The following ACSM1 variants were observed in gnomAD, a reference collection of about 807,000 sequenced individuals.
ACSM1 encodes acyl-CoA synthetase medium chain family member 1.
In ACSM1, 79 loss-of-function variants were observed where a neutral mutation model predicts 75.8. The observed-to-expected ratio is 1.04, with a 90% CI of 0.87 to 1.26. The LOEUF (loss-of-function observed/expected upper bound fraction) is 1.26, where lower values mean the gene tolerates loss of function less well. ACSM1 is among the 50% of genes most tolerant of loss of function. The pLI, the probability that ACSM1 is intolerant of heterozygous loss-of-function variation, is 0.00. For synonymous variants in ACSM1, 279 were observed against 265.8 expected (o/e 1.05, Z -0.48); for missense variants, 676 against 720.1 (o/e 0.94, Z 0.70).
intron 7 of ACSM1, 73 bp downstream of exon 7, chr16:20,661,721 A>G: frequency 8.7e-7 from 1 of 1,154,128 alleles, no homozygotes; most frequent in South Asian, 1.3e-5. Context: ...AACCAGAAGA[A>G]AAACAGACCA....
chr16:20,674,009 A>T, intron 4 of ACSM1: 1 of 409,082 alleles, frequency 2.4e-6, no homozygotes, highest in Non-Finnish European at 4.9e-6. Context: ...CAAAACAGTG[A>T]CATAAGTGAG....
Position 20,623,561 on chromosome 16 carries a change from G to T in ACSM1, c.1659C>A (p.Val553=). 6.2e-7 allele frequency: 1 copy of T among 1,614,074 alleles called. No individual in the cohort carries two copies. Among genetic ancestry groups the T allele is most frequent in the South Asian group, 1.1e-5 (1 of 91,076 alleles). ...PYKYPRKVEF[V]SELPKTITGK... is the part of the protein sequence containing the mutation. ...CAGTGATGGTTTTTGGCAGCTCTGA[G>T]ACAAACTCCACCTGGTTGAGGATAA... is the stretch of plus-strand genomic sequence containing the variant. Residue 553 remains valine (V), a synonymous_variant, in exon 14 of 14, where the codon GTC becomes GTA. Coordinates refer to ENST00000520010, the MANE Select transcript of ACSM1 (RefSeq NM_001318890.3).
rs1175069359 is a variant in ACSM1, at chr16:20,682,391, G to T, written c.476C>A (p.Ala159Asp). 1 of 1,613,868 alleles carries T rather than the reference G, an allele frequency of 6.2e-7. No individual in the cohort carries two copies. Among genetic ancestry groups the T allele is most frequent in the East Asian group, 2.2e-5 (1 of 44,888 alleles). The change falls in exon 4 of 14, where the codon GCC becomes GAC. Residue 159 changes from alanine to aspartate, a missense_variant. Transcript: ENST00000520010. ...GGCATCTATGGTCACAATGCCCTTG[G>T]CTTTAGACAACTGTAGTCGATAGAG... ...DILYRLQLSK[A>D]KGIVTIDALA...
intron 10 of ACSM1, among the ~76,000 whole-genome samples, chr16:20,632,727 C>T (rs533711638): frequency 6.6e-6 from 1 of 152,276 alleles, no homozygotes; most frequent in East Asian, 1.9e-4. Flanking sequence ...CAGACAAACA[C>T]TGCAAGAGAA....
chr16:20,624,009 G>A (rs1310416484), intron 13 of ACSM1, 87 bp downstream of exon 13: 1 of 1,559,408 alleles, frequency 6.4e-7, no homozygotes, highest in Non-Finnish European at 8.7e-7. Context: ...ATTGTTTGGG[G>A]CTGTTTGTTA....
chr16:20,679,470 TA>T (rs1334925526), intron 4 of ACSM1: 1 of 152,256 alleles, frequency 6.6e-6, no homozygotes, highest in Non-Finnish European at 1.5e-5. Flanking sequence ...ATAAAATTTA[TA>T]AGCCTAGTTA....
intron 6 of ACSM1, among the ~76,000 whole-genome samples, chr16:20,662,985 T>A (rs1013685072): frequency 4.6e-5 from 7 of 152,270 alleles, no homozygotes; most frequent in African/African-American, 1.7e-4. Context: ...GTAGAAGAGC[T>A]GAGGCAGGAC....
Position 20,685,402 on chromosome 16 carries a change from T to G in ACSM1, c.194A>C (p.Glu65Ala), listed in dbSNP as rs762476160. Residue 65 changes from glutamate (E) to alanine (A), a missense_variant and splice_region_variant, in exon 3 of 14, where the codon GAG (glutamate) becomes GCG (alanine). Coordinates refer to ENST00000520010, the MANE Select transcript of ACSM1 (RefSeq NM_001318890.3). The part of the protein sequence containing the change: ...VLDYWAQKEK[E>A]GKRGPNPAFW... ...AGCTGGATTTGGACCTCTCTTGCCC[T>G]CCTGGTCAAGACCATATATTATGTG... 2 of 1,613,754 alleles carry G rather than the reference T, an allele frequency of 1.2e-6. No homozygotes were observed. The highest frequency in any genetic ancestry group is 1.7e-6 in the Non-Finnish European group (2 of 1,179,626).
intron 6 of ACSM1, among the ~76,000 whole-genome samples, chr16:20,669,477 CACACA>C (rs1567291952): frequency 1.3e-5 from 2 of 151,310 alleles, no homozygotes; most frequent in African/African-American, 4.9e-5. Context: ...CACACACACA[CACACA>C]CCCCAGCTGC....
chr16:20,679,691 C>A (rs2079397759), intron 4 of ACSM1: 1 of 152,164 alleles, frequency 6.6e-6, no homozygotes, highest in African/African-American at 2.4e-5. Flanking sequence ...ATAGTTAAAA[C>A]TCTACTGTAC....
At chr16:20,671,445 A>T in intron 5 of ACSM1, 86 bp downstream of exon 5, 1 of 984,498 alleles carries the variant, frequency 1.0e-6, no homozygotes, top group Non-Finnish European at 1.4e-6. Flanking sequence ...CCCAAGACAC[A>T]CACACACACA....
At chr16:20,688,992 A>G (rs983467572) in intron 2 of ACSM1, among the ~76,000 whole-genome samples, 2 of 148,394 alleles carry the variant, frequency 1.3e-5, no homozygotes, top group African/African-American at 4.9e-5. Flanking sequence ...ATGTTAATAT[A>G]TTATATTATA....
Position 20,623,454 on chromosome 16 carries a change from A to C in ACSM1, c.*32T>G. On this transcript the variant is annotated 3_prime_UTR_variant, in exon 14 of 14. Coordinates refer to ENST00000520010, the MANE Select transcript of ACSM1 (RefSeq NM_001318890.3). ...ACTAAAGTGGCCAGGGATTTGCCTT[A>C]GGTGTGCAGTGCGTTCTGAGTTCAC... 1 of 1,600,438 alleles carries C rather than the reference A, an allele frequency of 6.2e-7. No homozygotes were observed.
intron 10 of ACSM1, among the ~76,000 whole-genome samples, chr16:20,627,554 C>G (rs1034256907): frequency 1.3e-5 from 2 of 152,028 alleles, no homozygotes; most frequent in Non-Finnish European, 2.9e-5. Flanking sequence ...AATTCTGCCA[C>G]GTGCGGTGGC....
chr16:20,626,030 A>G (rs946307507), intron 11 of ACSM1, among the ~76,000 whole-genome samples: 3 of 152,166 alleles, frequency 2.0e-5, no homozygotes, highest in African/African-American at 4.8e-5. Flanking sequence ...TTTTGTGGTA[A>G]GAACATAAAA....
chr16:20,625,488 A>G lies in ACSM1; in HGVS notation c.1462T>C (p.Leu488=). The part of the protein sequence containing the change: ...RIGPAEVESA[L]VEHPAVAESA... ...TCCGCCACCGCTGGGTGCTCCACCA[A>G]AGCGCTTTCAACCTCTGCAGGCCCG... The change falls in exon 12 of 14, where the codon TTG becomes CTG. Residue 488 remains leucine, a synonymous_variant. Transcript: ENST00000520010. 2 of 1,614,132 alleles carry G rather than the reference A, an allele frequency of 1.2e-6. No homozygotes were observed. Among genetic ancestry groups the G allele is most frequent in the Non-Finnish European group, 1.7e-6 (2 of 1,180,018 alleles).
At chr16:20,693,507 A>ATTTAAGT (rs1375675474) in intron 1 of ACSM1, among the ~76,000 whole-genome samples, 2 of 152,222 alleles carry the variant, frequency 1.3e-5, no homozygotes, top group Admixed American at 1.3e-4. Flanking sequence ...CATCATGAAC[A>ATTTAAGT]TTTAAGTTCC....
chr16:20,636,866 A>G, intron 9 of ACSM1, 26 bp from the exon 10 acceptor site: 1 of 1,581,104 alleles, frequency 6.3e-7, no homozygotes. Context: ...TGTGAATCAT[A>G]CACTGCAGGA....
chr16:20,679,243 A>G (rs1043862348), intron 4 of ACSM1: 1 of 152,228 alleles, frequency 6.6e-6, no homozygotes. Flanking sequence ...GGATTAACCA[A>G]CAAGACCCTG....
Sources: allele counts gnomAD v4.1 joint callset (sites outside exome capture counted in the v4.1 genomes callset), GRCh38; gene constraint gnomAD v4.1.1; transcripts MANE v1.5; gene names NCBI Gene and HGNC (gene_info 2026-07-23, HGNC 2026-07-21).